The following CNTN5 variants were observed in gnomAD, a reference collection of about 807,000 sequenced individuals.
The protein encoded by CNTN5 is contactin-5.
A neutral mutation model predicts 129.1 loss-of-function variants in CNTN5; 77 were observed. That is an observed-to-expected ratio of 0.60 (90% CI 0.50 to 0.72). The LOEUF (loss-of-function observed/expected upper bound fraction) is 0.72. Ranked by LOEUF, CNTN5 falls within the 30% of genes least tolerant of loss-of-function variation. The pLI, the probability that CNTN5 is intolerant of heterozygous loss-of-function variation, is 0.00. For missense variants in CNTN5, 1,478 were observed against 1,328.8 expected (o/e 1.11, Z -1.75); for synonymous variants, 509 against 465.6 (o/e 1.09, Z -1.20).
At chr11:99,752,044 C>G (rs371731154) in intron 3 of CNTN5, among the ~76,000 whole-genome samples, 1 of 97,326 alleles carries the variant, frequency 1.0e-5, no homozygotes, top group African/African-American at 3.7e-5. Context: ...TTTGGACTTC[C>G]AGCCTTCAGA....
chr11:99,837,676 C>T (rs1402782027), intron 4 of CNTN5, among the ~76,000 whole-genome samples: 1 of 122,764 alleles, frequency 8.1e-6, no homozygotes, highest in African/African-American at 3.0e-5. Context: ...GTACTTGCCA[C>T]ACATGAGTAA....
At chr11:99,657,743 C>T (rs1952431395) in intron 3 of CNTN5, among the ~76,000 whole-genome samples, 1 of 152,000 alleles carries the variant, frequency 6.6e-6, no homozygotes, top group Admixed American at 6.6e-5. Context: ...TCTGTTTGAT[C>T]ATTCAGTGAC....
intron 16 of CNTN5, among the ~76,000 whole-genome samples, chr11:100,226,902 G>A (rs942353806): frequency 9.2e-5 from 14 of 151,990 alleles, no homozygotes; most frequent in African/African-American, 3.4e-4. Flanking sequence ...TCCTCCATTT[G>A]TTGGTCTGTA....
intron 3 of CNTN5, among the ~76,000 whole-genome samples, chr11:99,644,508 C>G (rs931702403): frequency 6.6e-6 from 1 of 152,020 alleles, no homozygotes; most frequent in Non-Finnish European, 1.5e-5. Context: ...ATGGGCAAAA[C>G]GATGTTCTCA....
chr11:99,987,530 T>TATAC (rs200230547), intron 8 of CNTN5, among the ~76,000 whole-genome samples: 25,641 of 148,932 alleles, frequency 0.17, 2,309 homozygotes, highest in Middle Eastern at 0.18. Context: ...TATGAATATA[T>TATAC]ATATATATAT....
At chr11:99,581,456 TG>T (rs1949588818) in intron 3 of CNTN5, among the ~76,000 whole-genome samples, 1 of 148,688 alleles carries the variant, frequency 6.7e-6, no homozygotes, top group African/African-American at 2.5e-5. Context: ...ATTATTATTG[TG>T]TGGGAGTCTA....
intron 13 of CNTN5, among the ~76,000 whole-genome samples, chr11:100,148,431 T>C (rs1318522958): frequency 6.6e-6 from 1 of 152,200 alleles, no homozygotes; most frequent in African/African-American, 2.4e-5. Flanking sequence ...CCTCTTTCTC[T>C]TTTCCCTGCC....
intron 2 of CNTN5, among the ~76,000 whole-genome samples, chr11:99,441,792 G>A (rs1215542435): frequency 6.6e-6 from 1 of 152,118 alleles, no homozygotes; most frequent in Admixed American, 6.5e-5. Context: ...GCTTGGCTCA[G>A]AACTCTTTTT....
intron 6 of CNTN5, among the ~76,000 whole-genome samples, chr11:99,873,294 A>G (rs1360865627): frequency 6.6e-6 from 1 of 152,092 alleles, no homozygotes; most frequent in Admixed American, 6.6e-5. Flanking sequence ...GCCTTTTTAA[A>G]TGGCAGAAAA....
intron 7 of CNTN5, among the ~76,000 whole-genome samples, chr11:99,942,871 G>C (rs1295841437): frequency 6.6e-6 from 1 of 151,810 alleles, no homozygotes; most frequent in East Asian, 1.9e-4. Flanking sequence ...TCTTTTTTAT[G>C]GCTGCATAGT....
At chr11:99,906,690 T>C (rs1208682035) in intron 6 of CNTN5, among the ~76,000 whole-genome samples, 2 of 152,106 alleles carry the variant, frequency 1.3e-5, no homozygotes, top group Non-Finnish European at 2.9e-5. Flanking sequence ...CCCTCTTTTC[T>C]ACTTTTTGGA....
intron 3 of CNTN5, among the ~76,000 whole-genome samples, chr11:99,649,378 A>G (rs2135874222): frequency 6.6e-6 from 1 of 151,894 alleles, no homozygotes; most frequent in Admixed American, 6.6e-5. Context: ...AGAAACATCA[A>G]TAAGGTAGAA....
chr11:100,158,566 AC>A (rs1262650888), intron 13 of CNTN5, among the ~76,000 whole-genome samples: 2 of 151,924 alleles, frequency 1.3e-5, no homozygotes, highest in Non-Finnish European at 2.9e-5. Flanking sequence ...CTTTCCATAA[AC>A]AAGAAACTTC....
At chr11:99,581,120 G>T (rs1417704684) in intron 3 of CNTN5, among the ~76,000 whole-genome samples, 7 of 143,020 alleles carry the variant, frequency 4.9e-5, no homozygotes, top group African/African-American at 1.9e-4. Context: ...AGGTTGTTCA[G>T]TTTCCATGTA....
chr11:99,043,278 TC>T, intron 1 of CNTN5, among the ~76,000 whole-genome samples: 1 of 109,102 alleles, frequency 9.2e-6, no homozygotes, highest in Non-Finnish European at 1.9e-5. Context: ...ATGCTATCCC[TC>T]CCCCCTCCCC....
chr11:99,254,613 A>G (rs1862283004), intron 1 of CNTN5, among the ~76,000 whole-genome samples: 1 of 151,982 alleles, frequency 6.6e-6, no homozygotes, highest in Non-Finnish European at 1.5e-5. Flanking sequence ...CTGAAGTTGA[A>G]TTGTTGATAC....
intron 8 of CNTN5, among the ~76,000 whole-genome samples, chr11:99,981,751 A>G (rs1232317325): frequency 6.6e-6 from 1 of 152,172 alleles, no homozygotes; most frequent in Non-Finnish European, 1.5e-5. Context: ...GTATTTGAGG[A>G]TTGGTCATCA....
intron 1 of CNTN5, among the ~76,000 whole-genome samples, chr11:99,267,122 A>T (rs1455093649): frequency 6.6e-6 from 1 of 152,046 alleles, no homozygotes; most frequent in Non-Finnish European, 1.5e-5. Context: ...AAGATGAATG[A>T]CACTGATACC....
At chr11:99,567,654 G>A (rs933951240) in intron 3 of CNTN5, among the ~76,000 whole-genome samples, 10 of 152,122 alleles carry the variant, frequency 6.6e-5, no homozygotes, top group African/African-American at 2.4e-4. Flanking sequence ...CTTCCCTGCT[G>A]CAGTTGAGAA....
Sources: allele counts gnomAD v4.1 joint callset (sites outside exome capture counted in the v4.1 genomes callset), GRCh38; gene constraint gnomAD v4.1.1; transcripts MANE v1.5; gene names NCBI Gene and HGNC (gene_info 2026-07-23, HGNC 2026-07-21).